HMSD: variants seen among roughly 807,000 people sequenced by gnomAD.
The protein encoded by HMSD is serpin-like protein HMSD.
A neutral mutation model predicts 10.0 loss-of-function variants in HMSD; 13 were observed. The observed-to-expected ratio is 1.31, with a 90% confidence interval of 0.85 to 2.08. The LOEUF (loss-of-function observed/expected upper bound fraction) is 2.08, where lower values mean the gene tolerates loss of function less well. Among genes scored for constraint, HMSD ranks in the 30% most tolerant of loss-of-function variants. The probability of loss-of-function intolerance (pLI) is 0.00; values close to 1 mark genes in which losing one functional copy is unlikely to be tolerated. For missense variants in HMSD, 169 were observed against 166.3 expected, an observed-to-expected ratio of 1.02 and a Z score of -0.09; for synonymous variants, 51 against 54.2, an observed-to-expected ratio of 0.94 and a Z score of 0.26.
rs1254492150 is a variant in HMSD, at chr18:63,961,416, A to G, written c.*1061A>G. The G allele has an allele frequency of 6.6e-6, 1 of 152,138 alleles. No homozygotes were observed. The highest frequency in any genetic ancestry group is 1.5e-5 in the Non-Finnish European group (1 of 68,010). The allele number at this position is 152,138 out of a possible 1,614,324, so 9.4% of individuals were successfully genotyped here. A position where few individuals can be genotyped will look rare whatever the true frequency, so the allele number is the denominator to read the frequency against. On this transcript the variant is annotated 3_prime_UTR_variant, in exon 4 of 4. Coordinates refer to ENST00000408945, the MANE Select transcript of HMSD (RefSeq NM_001123366.2). ...TCTCTTTGAAGAGTTATCATTCACT[A>G]TTTTATTTCTGTCTTGTAAAGCCTG... is the stretch of plus-strand genomic sequence containing the variant.
chr18:63,953,377 C>T lies in HMSD; in HGVS notation c.-79C>T. On this transcript the variant is annotated 5_prime_UTR_variant, in exon 2 of 4. An upstream open reading frame in the 5' UTR gains an earlier in-frame stop. Transcript: ENST00000408945. ...AGGCTCACCGTCATGGATGCTCTAT[C>T]AGAAGCAAATGGCACATTTGCATTA... is the stretch of plus-strand genomic sequence containing the variant. 2 of 1,051,572 alleles carry T rather than the reference C, an allele frequency of 1.9e-6. No individual in the cohort carries two copies. Among genetic ancestry groups the T allele is most frequent in the Non-Finnish European group, 2.9e-6 (2 of 686,138 alleles). 65.1% of individuals were successfully genotyped at this position (1,051,572 alleles called of 1,614,324 possible).
chr18:63,952,803 A>C (rs9955410), intron 1 of HMSD, among the ~76,000 whole-genome samples: 57,514 of 151,976 alleles, frequency 0.38, 13,179 homozygotes, highest in African/African-American at 0.65. Context: ...CCCTTCCACC[A>C]TCCCTGTGTT....
chr18:63,960,275 G>A lies in HMSD; in HGVS notation c.340G>A (p.Gly114Ser). ...CTCCTGGGTTGCTGATAAAACTAAA[G>A]GTGAAAATATATTGTTATTCTATTT... Reference protein sequence around the residue: ...VNSWVADKTKGENILLFYFDN... With the variant: ...VNSWVADKTKSENILLFYFDN... Residue 114 changes from glycine to serine, a missense_variant, in exon 4 of 4, where the codon GGT becomes AGT. Coordinates refer to ENST00000408945, the MANE Select transcript of HMSD (RefSeq NM_001123366.2). 6.2e-7 allele frequency: 1 copy of A among 1,612,560 alleles called. No individual in the cohort carries two copies. The highest frequency in any genetic ancestry group is 1.7e-5 in the Admixed American group (1 of 59,858).
Position 63,954,408 on chromosome 18 carries a change from G to A in HMSD, c.73G>A (p.Ala25Thr). 6.2e-7 allele frequency: 1 copy of A among 1,607,260 alleles called. No individual in the cohort carries two copies. Among genetic ancestry groups the A allele is most frequent in the Non-Finnish European group, 8.5e-7 (1 of 1,175,028 alleles). ...ATGTTTATTATTATTTTATTTTCAG[G>A]CACTTTGTTTTAGTAAAATCGGAGG... Reference protein sequence around the residue: ...KGNTAAQMSQALCFSKIGGED... With the variant: ...KGNTAAQMSQTLCFSKIGGED... Residue 25 changes from alanine (A) to threonine (T), a missense_variant and splice_region_variant, in exon 3 of 4, where the codon GCA becomes ACA. Ala to Thr is a moderately conservative substitution (Grantham distance 58). Transcript: ENST00000408945.
chr18:63,950,847 C>T (rs978328117), intron 1 of HMSD, among the ~76,000 whole-genome samples: 1 of 152,184 alleles, frequency 6.6e-6, no homozygotes, highest in Admixed American at 6.5e-5. Flanking sequence ...TCAGTCAGAG[C>T]CCATGTCCCA....
chr18:63,950,259 T>C (rs1233919586), intron 1 of HMSD, among the ~76,000 whole-genome samples: 2 of 151,260 alleles, frequency 1.3e-5, no homozygotes, highest in Non-Finnish European at 1.5e-5. Flanking sequence ...CTACTAAAAA[T>C]ACAAAAATTA....
At position 63,957,319 on chromosome 18, in the gene HMSD, A is replaced by T. The variant is rs550499638; in HGVS notation, c.222+2762A>T. ...ACAAGAGAAGCAACAAAAAAAAAAA[A>T]TAAAAACTTTTGATTATAAATGGGA... is the stretch of plus-strand genomic sequence containing the variant. On this transcript the variant is annotated intron_variant, in intron 3 of 3. Coordinates refer to ENST00000408945, the MANE Select transcript of HMSD (RefSeq NM_001123366.2). Among the ~76,000 whole-genome samples the T allele has an allele frequency of 2.3e-3, 344 of 150,402 alleles. 4 individuals are homozygous for T. The highest frequency in any genetic ancestry group is 8.1e-3 in the African/African-American group (328 of 40,522).
intron 3 of HMSD, chr18:63,968,083 C>T (rs755763601): frequency 2.0e-5 from 3 of 152,226 alleles, no homozygotes; most frequent in Non-Finnish European, 2.9e-5. Context: ...GCTCCCTCTT[C>T]CTCTCATGGT....
chr18:63,956,527 A>G (rs2050359458), intron 3 of HMSD, among the ~76,000 whole-genome samples: 1 of 152,196 alleles, frequency 6.6e-6, no homozygotes, highest in African/African-American at 2.4e-5. Context: ...CAAAACCATG[A>G]TGAGATACCA....
intron 3 of HMSD, among the ~76,000 whole-genome samples, chr18:63,956,037 C>T (rs2050356304): frequency 2.0e-5 from 3 of 152,176 alleles, no homozygotes; most frequent in Admixed American, 2.0e-4. Flanking sequence ...CCTCTACAAG[C>T]CTTGGGCCCT....
intron 3 of HMSD, among the ~76,000 whole-genome samples, chr18:63,954,798 A>G (rs1413310772): frequency 1.3e-5 from 2 of 152,234 alleles, no homozygotes; most frequent in Non-Finnish European, 2.9e-5. Flanking sequence ...AGAGCGTAAC[A>G]CAGTTGAAAA....
downstream of HMSD, among the ~76,000 whole-genome samples, chr18:63,962,090 C>G (rs2050389450): frequency 6.6e-6 from 1 of 152,232 alleles, no homozygotes; most frequent in South Asian, 2.1e-4. Context: ...AAAAGTTGAT[C>G]TGACCTCCTC....
chr18:63,968,738 T>C (rs928137937), intron 3 of HMSD: 19 of 152,148 alleles, frequency 1.2e-4, no homozygotes, highest in African/African-American at 9.7e-5. Context: ...CAAGGAGAAA[T>C]TGATGCACAA....
At chr18:63,966,436 T>G (rs957877893), downstream of HMSD, 5 of 152,210 alleles carry the variant, frequency 3.3e-5, no homozygotes. Context: ...AATGTACTTG[T>G]GTAAATCGAA....
chr18:63,955,978 A>G (rs1372009952), intron 3 of HMSD, among the ~76,000 whole-genome samples: 1 of 152,228 alleles, frequency 6.6e-6, no homozygotes, highest in Non-Finnish European at 1.5e-5. Context: ...AGACTGGGGC[A>G]GAGTGCCACC....
At chr18:63,950,669 A>G (rs1053304958) in intron 1 of HMSD, among the ~76,000 whole-genome samples, 5 of 151,670 alleles carry the variant, frequency 3.3e-5, no homozygotes, top group African/African-American at 1.2e-4. Context: ...GATGCACGAG[A>G]ACCTCAAATA....
At chr18:63,963,058 C>CT, downstream of HMSD, among the ~76,000 whole-genome samples, 2 of 127,458 alleles carry the variant, frequency 1.6e-5, no homozygotes, top group Non-Finnish European at 3.1e-5. Context: ...TTCTTTCTTT[C>CT]TTTCTTTTCT....
chr18:63,953,157 C>A (rs1233361313), intron 1 of HMSD, among the ~76,000 whole-genome samples, 197 bp from the exon 2 acceptor site: 2 of 152,174 alleles, frequency 1.3e-5, no homozygotes, highest in Non-Finnish European at 2.9e-5. Flanking sequence ...TGCAGACATT[C>A]ACTCACAGCA....
chr18:63,953,926 C>G (rs984778725), intron 2 of HMSD, among the ~76,000 whole-genome samples: 1 of 152,180 alleles, frequency 6.6e-6, no homozygotes, highest in Non-Finnish European at 1.5e-5. Context: ...TGGAAGCTGC[C>G]AGACTTTTTA....
Sources: allele counts gnomAD v4.1 joint callset (sites outside exome capture counted in the v4.1 genomes callset), GRCh38; gene constraint gnomAD v4.1.1; transcripts MANE v1.5; gene names NCBI Gene and HGNC (gene_info 2026-07-23, HGNC 2026-07-21).